The following EPB41 variants were observed in gnomAD, a reference collection of about 807,000 sequenced individuals.
The protein encoded by EPB41 is erythrocyte membrane protein band 4.1.
EPB41 carries 65 observed loss-of-function variants against 108.0 expected under a neutral mutation model. That is an observed-to-expected ratio of 0.60 (90% CI 0.49 to 0.74). The LOEUF is 0.74. Among genes scored for constraint, EPB41 ranks in the 30% least tolerant of loss-of-function variants. The pLI is 0.00. For synonymous variants in EPB41, 336 were observed against 358.9 expected, an observed-to-expected ratio of 0.94 and a Z score of 0.72; for missense variants, 875 against 1,037.0, an observed-to-expected ratio of 0.84 and a Z score of 2.15.
At chr1:29,042,246 G>T (rs1641807848) in intron 11 of EPB41, among the ~76,000 whole-genome samples, 1 of 152,152 alleles carries the variant, frequency 6.6e-6, no homozygotes, top group Non-Finnish European at 1.5e-5. Flanking sequence ...TAGGTAATGA[G>T]CTAGGTGCAA....
chr1:29,076,217 C>T (rs533622256), intron 16 of EPB41, among the ~76,000 whole-genome samples: 19 of 152,332 alleles, frequency 1.2e-4, no homozygotes, highest in South Asian at 1.2e-3. Context: ...CCTAGCATGT[C>T]ATCCTCCTTT....
rs1034976716 is a variant in EPB41, at chr1:28,993,900, G to A, written c.681+358G>A. ...TTGAAGTCCGGGCCTCAAGTGATCT[G>A]CCCACCTCGGCCTCCCAAATTGCTG... is the stretch of plus-strand genomic sequence containing the variant. On this transcript the variant is annotated intron_variant, in intron 3 of 20. Coordinates refer to ENST00000343067, the MANE Select transcript of EPB41 (RefSeq NM_001376013.1). 3.3e-4 allele frequency among the ~76,000 whole-genome samples: 50 copies of A among 151,892 alleles called. 1 individual carries two copies. Among genetic ancestry groups the A allele is most frequent in the African/African-American group, 1.2e-3 (50 of 41,362 alleles).
At chr1:29,081,138 G>T (rs187389661) in intron 16 of EPB41, among the ~76,000 whole-genome samples, 7 of 152,192 alleles carry the variant, frequency 4.6e-5, no homozygotes, top group Non-Finnish European at 7.4e-5. Context: ...ACAACCTACT[G>T]GTGTGCATTC....
At chr1:28,957,049 G>C (rs1457212529) in intron 1 of EPB41, among the ~76,000 whole-genome samples, 2 of 152,250 alleles carry the variant, frequency 1.3e-5, no homozygotes, top group Admixed American at 1.3e-4. Flanking sequence ...AATGTGAAGA[G>C]TGAATAGGAT....
At chr1:28,915,429 G>A (rs1270904929) in intron 1 of EPB41, among the ~76,000 whole-genome samples, 1 of 152,128 alleles carries the variant, frequency 6.6e-6, no homozygotes, top group African/African-American at 2.4e-5. Context: ...CTGTACCTGT[G>A]GAGAGGCCGG....
rs569230886 is a variant in EPB41, at chr1:29,056,735, G to A, written c.1846-1854G>A. Among the ~76,000 whole-genome samples the A allele has an allele frequency of 7.9e-5, 12 of 152,028 alleles. No homozygotes were observed. In the South Asian group the frequency reaches 2.1e-3, roughly 26 times the overall value. On this transcript the variant is annotated intron_variant, in intron 12 of 20. Coordinates refer to ENST00000343067, the MANE Select transcript of EPB41 (RefSeq NM_001376013.1). Reference sequence around the variant, plus strand: ...GAGACAAGGTTTCACCATGTTGGCCGGGATTGTCTCGAACTCCTGATCTCA... The same window carrying A: ...GAGACAAGGTTTCACCATGTTGGCCAGGATTGTCTCGAACTCCTGATCTCA...
At chr1:29,073,640 TATG>T (rs1231888602) in intron 16 of EPB41, among the ~76,000 whole-genome samples, 1 of 152,252 alleles carries the variant, frequency 6.6e-6, no homozygotes, top group Non-Finnish European at 1.5e-5. Flanking sequence ...ATCCAAATGG[TATG>T]ATTAGAGTGG....
chr1:29,112,224 C>A, intron 18 of EPB41, 144 bp from the exon 19 acceptor site: 1 of 677,344 alleles, frequency 1.5e-6, no homozygotes, highest in Non-Finnish European at 2.6e-6. Flanking sequence ...TGGTCTCAAA[C>A]TCCTGGCCGC....
chr1:28,933,314 A>G (rs2093840465), intron 1 of EPB41, among the ~76,000 whole-genome samples: 1 of 152,238 alleles, frequency 6.6e-6, no homozygotes, highest in South Asian at 2.1e-4. Context: ...TACAGCAATA[A>G]CACACCTTAG....
In EPB41 at chr1:28,887,689, C is replaced by T; in HGVS notation, c.-8+479C>T. The T allele has an allele frequency of 1.0e-6, 1 of 985,176 alleles. No homozygotes were observed. 61.0% of individuals were successfully genotyped at this position (985,176 alleles called of 1,614,324 possible). A position where few individuals can be genotyped will look rare whatever the true frequency, so the allele number is the denominator to read the frequency against. On this transcript the variant is annotated intron_variant, in intron 1 of 16. Coordinates refer to the EPB41 transcript ENST00000347529. The surrounding 1 kb of genome is among the most constrained non-coding windows in gnomAD (Gnocchi z 4.9). ...GGGCCTGGAGCCCCGCGCCCCGCTC[C>T]GGCCCTTACGTAACTGACTTTGAGT...
intron 4 of EPB41, among the ~76,000 whole-genome samples, chr1:29,006,681 C>G (rs1365392383): frequency 6.6e-6 from 1 of 152,046 alleles, no homozygotes; most frequent in Non-Finnish European, 1.5e-5. Context: ...TCCCCACTCC[C>G]CATCAAAAGT....
chr1:28,916,133 T>C (rs1170420993), intron 1 of EPB41, among the ~76,000 whole-genome samples: 1 of 152,216 alleles, frequency 6.6e-6, no homozygotes, highest in African/African-American at 2.4e-5. Flanking sequence ...GTTATTAATA[T>C]AATCCATGTA....
intron 1 of EPB41, among the ~76,000 whole-genome samples, chr1:28,965,904 C>T (rs1024396526): frequency 3.9e-5 from 6 of 152,070 alleles, no homozygotes; most frequent in African/African-American, 7.2e-5. Context: ...TTTTGTAAGC[C>T]GGGCGTGGTG....
intron 1 of EPB41, among the ~76,000 whole-genome samples, chr1:28,950,653 G>C (rs554397359): frequency 3.3e-5 from 5 of 152,264 alleles, no homozygotes; most frequent in Admixed American, 6.5e-5. Context: ...TGGCTGGCTG[G>C]GTAACAGAAG....
chr1:28,890,537 C>T (rs1007158687), intron 1 of EPB41, among the ~76,000 whole-genome samples: 3 of 152,150 alleles, frequency 2.0e-5, no homozygotes, highest in Non-Finnish European at 2.9e-5. Flanking sequence ...ACTCTCACTC[C>T]ACGTGAGGGG....
chr1:28,976,875 T>C (rs1571789532), intron 1 of EPB41, among the ~76,000 whole-genome samples: 1 of 152,168 alleles, frequency 6.6e-6, no homozygotes, highest in East Asian at 1.9e-4. Context: ...TTTTTTGAGA[T>C]GGAGTCTTAC....
At chr1:29,037,477 A>G (rs1042162685) in intron 10 of EPB41, among the ~76,000 whole-genome samples, 2 of 152,252 alleles carry the variant, frequency 1.3e-5, no homozygotes, top group Non-Finnish European at 2.9e-5. Flanking sequence ...ATATACTACA[A>G]GATAGTTCTA....
At chr1:28,930,877 A>G (rs1251095169) in intron 1 of EPB41, among the ~76,000 whole-genome samples, 3 of 152,160 alleles carry the variant, frequency 2.0e-5, no homozygotes, top group Non-Finnish European at 4.4e-5. Context: ...GGTATATTGT[A>G]CCTTGTGATA....
chr1:29,057,598 A>T (rs1398149874), intron 12 of EPB41, among the ~76,000 whole-genome samples: 1 of 152,154 alleles, frequency 6.6e-6, no homozygotes, highest in Non-Finnish European at 1.5e-5. Context: ...TCAACACCAC[A>T]GATTGATGAG....
Sources: allele counts gnomAD v4.1 joint callset (sites outside exome capture counted in the v4.1 genomes callset), GRCh38; gene constraint gnomAD v4.1.1; non-coding constraint Gnocchi (gnomAD v3.1); transcripts MANE v1.5; gene names NCBI Gene and HGNC (gene_info 2026-07-23, HGNC 2026-07-21).